The following WBP1L variants were observed in gnomAD, a reference collection of about 807,000 sequenced individuals.
WBP1L encodes WW domain binding protein 1 like.
A neutral mutation model predicts 33.7 loss-of-function variants in WBP1L; 17 were observed. That is an observed-to-expected ratio of 0.50 (90% CI 0.34 to 0.76). The LOEUF is 0.76. WBP1L is among the 30% of genes least tolerant of loss of function. The pLI, the probability that WBP1L is intolerant of heterozygous loss-of-function variation, is 0.01. For synonymous variants in WBP1L, 173 were observed against 190.8 expected, an observed-to-expected ratio of 0.91 and a Z score of 0.77; for missense variants, 389 against 469.4, an observed-to-expected ratio of 0.83 and a Z score of 1.58.
At chr10:102,787,943 G>A (rs888380671) in intron 1 of WBP1L, among the ~76,000 whole-genome samples, 2 of 151,422 alleles carry the variant, frequency 1.3e-5, no homozygotes, top group African/African-American at 4.8e-5. Context: ...GCTGGGCGTG[G>A]TGGTGCACGC....
intron 1 of WBP1L, among the ~76,000 whole-genome samples, chr10:102,761,018 C>A (rs1843031046): frequency 6.6e-6 from 1 of 151,800 alleles, no homozygotes; most frequent in African/African-American, 2.4e-5. Flanking sequence ...TCCTTAGTAG[C>A]TGGGAATACA....
intron 1 of WBP1L, among the ~76,000 whole-genome samples, chr10:102,767,910 C>T (rs908325287): frequency 6.6e-6 from 1 of 152,174 alleles, no homozygotes; most frequent in African/African-American, 2.4e-5. Context: ...CCTTGACATT[C>T]TACCCCCAAC....
At chr10:102,795,089 T>G (rs1390073164) in intron 1 of WBP1L, among the ~76,000 whole-genome samples, 1 of 152,214 alleles carries the variant, frequency 6.6e-6, no homozygotes, top group Non-Finnish European at 1.5e-5. Flanking sequence ...TTTATGGTGG[T>G]GCAATTGATA....
chr10:102,782,605 G>C (rs1035360029), intron 1 of WBP1L, among the ~76,000 whole-genome samples: 1 of 152,040 alleles, frequency 6.6e-6, no homozygotes, highest in East Asian at 1.9e-4. Context: ...AGCAACAGTG[G>C]GTTGAAAGAG....
chr10:102,781,577 G>C, intron 1 of WBP1L, among the ~76,000 whole-genome samples: 1 of 152,094 alleles, frequency 6.6e-6, no homozygotes, highest in East Asian at 1.9e-4. Context: ...CCTGCTCTGT[G>C]CACAGCAGAG....
intron 3 of WBP1L, among the ~76,000 whole-genome samples, chr10:102,811,784 T>A (rs1268777872): frequency 6.6e-6 from 1 of 152,238 alleles, no homozygotes; most frequent in Non-Finnish European, 1.5e-5. Context: ...GTGCTGAGAT[T>A]ACAGGCGTAA....
chr10:102,748,705 T>G (rs796125950), intron 1 of WBP1L, among the ~76,000 whole-genome samples: 50 of 152,316 alleles, frequency 3.3e-4, no homozygotes, highest in African/African-American at 1.1e-3. Flanking sequence ...CCCCAGGAGC[T>G]GGAAATCTTG....
chr10:102,775,117 CAAAAAAA>C lies in WBP1L; in HGVS notation c.91-22858_91-22852del, dbSNP rs59486422. ...TGGGTAACAGAGTGAGACCCTATCTCAAAAAAAAAAAAAAAAAAAAAAAAGTAACTTT... is the reference window on the plus strand; with the variant it reads ...TGGGTAACAGAGTGAGACCCTATCTCAAAAAAAAAAAAAAAAAGTAACTTT... On this transcript the variant is annotated intron_variant, in intron 1 of 3. Coordinates refer to ENST00000448841, the MANE Select transcript of WBP1L (RefSeq NM_001083913.2). Among the ~76,000 whole-genome samples the C allele has an allele frequency of 1.6e-3, 160 of 97,284 alleles. 1 individual carries two copies. The highest frequency in any genetic ancestry group is 5.8e-3 in the Admixed American group (47 of 8,062). 63.8% of individuals were successfully genotyped at this position (97,284 alleles called of 152,430 possible).
chr10:102,808,861 G>A (rs1843782262), intron 2 of WBP1L, among the ~76,000 whole-genome samples: 1 of 132,600 alleles, frequency 7.5e-6, no homozygotes, highest in Non-Finnish European at 1.7e-5. Flanking sequence ...AGTTGCGGGG[G>A]AGGGGAGATG....
At chr10:102,756,741 T>C (rs578216218) in intron 1 of WBP1L, among the ~76,000 whole-genome samples, 1 of 152,186 alleles carries the variant, frequency 6.6e-6, no homozygotes, top group East Asian at 1.9e-4. Context: ...CACGTTGTTC[T>C]CCGGTATGGT....
At chr10:102,765,701 A>G (rs1227699596) in intron 1 of WBP1L, among the ~76,000 whole-genome samples, 2 of 152,200 alleles carry the variant, frequency 1.3e-5, no homozygotes, top group Non-Finnish European at 2.9e-5. Context: ...TAGGGCTGAG[A>G]AGAAATATCT....
At chr10:102,800,924 A>C (rs755217123) in intron 2 of WBP1L, among the ~76,000 whole-genome samples, 9 of 152,234 alleles carry the variant, frequency 5.9e-5, no homozygotes, top group Non-Finnish European at 1.2e-4. Context: ...TTCATCAGAC[A>C]GGGCAACTCC....
chr10:102,756,776 T>C (rs1842982515), intron 1 of WBP1L, among the ~76,000 whole-genome samples: 1 of 152,000 alleles, frequency 6.6e-6, no homozygotes, highest in Non-Finnish European at 1.5e-5. Flanking sequence ...TTCGCATCAA[T>C]AGGATCTGCA....
intron 1 of WBP1L, among the ~76,000 whole-genome samples, chr10:102,775,436 G>A (rs1843247035): frequency 6.6e-6 from 1 of 152,280 alleles, no homozygotes; most frequent in East Asian, 1.9e-4. Context: ...AAGAAAGCAC[G>A]ACAAACCTAA....
At chr10:102,771,123 C>CAA (rs1387769802) in intron 1 of WBP1L, among the ~76,000 whole-genome samples, 1 of 152,184 alleles carries the variant, frequency 6.6e-6, no homozygotes, top group East Asian at 1.9e-4. Flanking sequence ...ATTATCTCTC[C>CAA]CCTACCCCAC....
At chr10:102,784,406 CA>C (rs1482330116) in intron 1 of WBP1L, among the ~76,000 whole-genome samples, 1 of 149,782 alleles carries the variant, frequency 6.7e-6, no homozygotes, top group Non-Finnish European at 1.5e-5. Flanking sequence ...CTCAGAGTTC[CA>C]AAAGTTCTTG....
At chr10:102,774,241 C>T (rs1590175951) in intron 1 of WBP1L, among the ~76,000 whole-genome samples, 3 of 152,108 alleles carry the variant, frequency 2.0e-5, no homozygotes, top group Non-Finnish European at 4.4e-5. Context: ...GTTCCCTGGG[C>T]GGCTGTGCCT....
intron 1 of WBP1L, among the ~76,000 whole-genome samples, chr10:102,784,421 C>CTTTTT (rs35898015): frequency 1.4e-4 from 14 of 97,844 alleles, no homozygotes; most frequent in South Asian, 3.4e-4. Context: ...GTTCTTGTTT[C>CTTTTT]TTTTTTTTTT....
intron 1 of WBP1L, among the ~76,000 whole-genome samples, chr10:102,786,422 A>G (rs144399666): frequency 3.3e-5 from 5 of 152,298 alleles, no homozygotes; most frequent in Admixed American, 2.6e-4. Flanking sequence ...AAGCTTGAAT[A>G]TACATAAACA....
Sources: allele counts gnomAD v4.1 joint callset (sites outside exome capture counted in the v4.1 genomes callset), GRCh38; gene constraint gnomAD v4.1.1; transcripts MANE v1.5; gene names NCBI Gene and HGNC (gene_info 2026-07-23, HGNC 2026-07-21).